Variants in DNMBP observed in about 807,000 individuals in gnomAD.
DNMBP encodes the protein dynamin-binding protein.
Under a neutral mutation model 150.0 loss-of-function variants are expected in DNMBP, and 87 were observed. The observed-to-expected ratio is 0.58, with a 90% CI of 0.49 to 0.69. DNMBP has a LOEUF of 0.69. Ranked by LOEUF, DNMBP falls within the 30% of genes least tolerant of loss-of-function variation. The probability of loss-of-function intolerance (pLI) is 0.00; values close to 1 mark genes in which losing one functional copy is unlikely to be tolerated. For missense variants in DNMBP, 1,774 were observed against 1,949.0 expected (o/e 0.91, Z 1.69); for synonymous variants, 711 against 750.4 (o/e 0.95, Z 0.86).
intron 6 of DNMBP, among the ~76,000 whole-genome samples, chr10:99,904,752 C>T (rs2039800233): frequency 1.3e-5 from 2 of 152,182 alleles, no homozygotes; most frequent in Admixed American, 1.3e-4. Flanking sequence ...CCTTGTTTGA[C>T]TTTGGACAAG....
rs556771083 is a variant in DNMBP, at chr10:99,942,431, A to T, written c.2260+12783T>A. ...TGTCCTGTCTTTTGGGTCTTATTAC[A>T]TCTGGTAAAGTGAACAGTAAAAGGC... On this transcript the variant is annotated intron_variant, in intron 4 of 16. Transcript: ENST00000324109. Among the ~76,000 whole-genome samples, 24 of 152,306 alleles carry T rather than the reference A, an allele frequency of 1.6e-4. 1 individual carries two copies. The South Asian group carries it at 2.1e-3, about 13-fold the overall frequency.
chr10:99,913,768 CCAT>C (rs1222506965), intron 4 of DNMBP, among the ~76,000 whole-genome samples: 13 of 152,252 alleles, frequency 8.5e-5, no homozygotes, highest in African/African-American at 3.1e-4. Flanking sequence ...TCCCACAACT[CCAT>C]CACACACACT....
chr10:99,945,723 T>C (rs968518792), intron 4 of DNMBP, among the ~76,000 whole-genome samples: 1 of 152,238 alleles, frequency 6.6e-6, no homozygotes, highest in Admixed American at 6.5e-5. Flanking sequence ...ATATTTGCTA[T>C]ATAGTTCTTT....
chr10:99,885,921 T>A (rs2039452581), intron 13 of DNMBP, 55 bp from the exon 14 acceptor site: 1 of 1,462,612 alleles, frequency 6.8e-7, no homozygotes. Context: ...CGATAAAAGA[T>A]CCCAGAGAAA....
At chr10:99,909,614 AG>A (rs1220638846) in intron 4 of DNMBP, among the ~76,000 whole-genome samples, 1 of 152,244 alleles carries the variant, frequency 6.6e-6, no homozygotes, top group African/African-American at 2.4e-5. Context: ...ATAAAAAATA[AG>A]AAATTATCCA....
At chr10:99,971,296 G>C (rs771253599) in intron 2 of DNMBP, among the ~76,000 whole-genome samples, 1 of 142,994 alleles carries the variant, frequency 7.0e-6, no homozygotes, top group Non-Finnish European at 1.5e-5. Context: ...TTCCCATTTA[G>C]CTAGCTTTCT....
chr10:99,898,766 A>G lies in DNMBP; in HGVS notation c.2703-6T>C, dbSNP rs765909858. 3.7e-6 allele frequency: 6 copies of G among 1,613,294 alleles called. No homozygotes were observed. In the South Asian group the frequency reaches 5.5e-5, roughly 15 times the overall value. ...ACCATTCGTTGTATAGGCTCCTGCA[A>G]GGCAGTGGGCATGAAAAGAAAAGAG... is the stretch of plus-strand genomic sequence containing the variant. On this transcript the variant is annotated splice_polypyrimidine_tract_variant and splice_region_variant and intron_variant, in intron 7 of 16. Transcript: ENST00000324109.
At chr10:99,923,982 G>A (rs753714783) in intron 4 of DNMBP, among the ~76,000 whole-genome samples, 11 of 152,108 alleles carry the variant, frequency 7.2e-5, no homozygotes, top group African/African-American at 1.9e-4. Flanking sequence ...GTGAAACCCC[G>A]TCCCTACAAA....
At chr10:99,931,464 C>T (rs1424529526) in intron 4 of DNMBP, among the ~76,000 whole-genome samples, 1 of 152,208 alleles carries the variant, frequency 6.6e-6, no homozygotes, top group Non-Finnish European at 1.5e-5. Flanking sequence ...AGAAAAAGTA[C>T]TTCCTTTTAC....
At chr10:99,957,229 G>A in intron 3 of DNMBP, 24 bp from the exon 4 acceptor site, 6 of 1,585,338 alleles carry the variant, frequency 3.8e-6, no homozygotes, top group South Asian at 2.2e-5. Context: ...GAGCAGAGAT[G>A]GTGACCTCAG....
rs150526666 is a variant in DNMBP at position 99,964,111 on chromosome 10, T to C, written c.268+5004A>G. On this transcript the variant is annotated intron_variant, in intron 3 of 16. Coordinates refer to ENST00000324109, the MANE Select transcript of DNMBP (RefSeq NM_015221.4). ...CACTAACTTGTTTCTCTCCTCTCTG[T>C]CTTTTCCTTGTCCTATTCTCTCTCT... Among the ~76,000 whole-genome samples, 14 of 151,790 alleles carry C rather than the reference T, an allele frequency of 9.2e-5. No individual in the cohort carries two copies. The East Asian group carries it at 2.7e-3, about 29-fold the overall frequency.
intron 4 of DNMBP, chr10:99,930,949 A>G: frequency 2.0e-6 from 1 of 491,400 alleles, no homozygotes; most frequent in Admixed American, 3.8e-5. Context: ...CAACCTCAGG[A>G]TCCAATCAGC....
At chr10:99,991,240 G>A (rs1434813391) in intron 1 of DNMBP, among the ~76,000 whole-genome samples, 5 of 151,872 alleles carry the variant, frequency 3.3e-5, no homozygotes, top group Admixed American at 6.6e-5. Flanking sequence ...CACCATGCCC[G>A]GCTGATGTTT....
At chr10:99,940,545 T>C (rs1209873631) in intron 4 of DNMBP, among the ~76,000 whole-genome samples, 1 of 152,144 alleles carries the variant, frequency 6.6e-6, no homozygotes, top group Non-Finnish European at 1.5e-5. Flanking sequence ...TTCTTCAATG[T>C]GCCCATTCTA....
chr10:99,907,760 G>A (rs1239107341), intron 6 of DNMBP, among the ~76,000 whole-genome samples: 2 of 152,170 alleles, frequency 1.3e-5, no homozygotes, highest in African/African-American at 4.8e-5. Flanking sequence ...GCAACCATGA[G>A]TGTGGAAAAA....
Position 99,957,025 on chromosome 10 carries a change from G to A in DNMBP, c.449C>T (p.Ala150Val). ...AGCAGAAAGCCCCATTAGGGCCCGG[G>A]CTTGTCCCATGGAATATTCCGGAAT... ...FQIPEYSMGQARALMGLSAQL... is the reference protein window; with the variant it reads ...FQIPEYSMGQVRALMGLSAQL... Residue 150 changes from alanine to valine, a missense_variant, in exon 4 of 17, where the codon GCC becomes GTC. This residue lies in a region of DNMBP where 344 missense variants were observed against 456.6 expected (regional missense o/e 0.75). Coordinates refer to ENST00000324109, the MANE Select transcript of DNMBP (RefSeq NM_015221.4). The A allele has an allele frequency of 1.2e-6, 2 of 1,614,194 alleles. No homozygotes were observed. The highest frequency in any genetic ancestry group is 8.5e-7 in the Non-Finnish European group (1 of 1,180,040).
chr10:99,993,261 A>C (rs896618732), intron 1 of DNMBP, among the ~76,000 whole-genome samples: 1 of 152,152 alleles, frequency 6.6e-6, no homozygotes, highest in East Asian at 1.9e-4. Context: ...CTGGTATTTA[A>C]TATGTTTGAA....
intron 4 of DNMBP, among the ~76,000 whole-genome samples, chr10:99,936,093 TG>T (rs1477710877): frequency 6.6e-6 from 1 of 152,198 alleles, no homozygotes; most frequent in Non-Finnish European, 1.5e-5. Flanking sequence ...TTAATCTAAC[TG>T]TAAGATTAAA....
intron 1 of DNMBP, among the ~76,000 whole-genome samples, chr10:99,984,671 A>G (rs11190351): frequency 0.35 from 52,915 of 152,066 alleles, 9,415 homozygotes; most frequent in African/African-American, 0.41. Context: ...ATCTGTTTCA[A>G]GCACAAACTT....
Sources: gnomAD v4.1 joint callset for allele counts (sites outside exome capture counted in the v4.1 genomes callset) on GRCh38, gnomAD v4.1.1 for gene constraint, gnomAD v4.1.1 regional missense constraint, MANE v1.5 for transcripts, NCBI Gene and HGNC (gene_info 2026-07-23, HGNC 2026-07-21) for gene names.